The following NFAT5 variants were observed in gnomAD, a reference collection of about 807,000 sequenced individuals.
NFAT5 encodes nuclear factor of activated T-cells 5.
In NFAT5, 31 loss-of-function variants were observed where a neutral mutation model predicts 166.5. The observed-to-expected ratio is 0.19, with a 90% CI of 0.14 to 0.25. The LOEUF is 0.25. Among genes scored for constraint, NFAT5 ranks in the 10% least tolerant of loss-of-function variants. The probability of loss-of-function intolerance (pLI) is 1.00; values close to 1 mark genes in which losing one functional copy is unlikely to be tolerated. For missense variants in NFAT5, 1,449 were observed against 1,821.8 expected (o/e 0.80, Z 3.72); for synonymous variants, 612 against 639.7 (o/e 0.96, Z 0.65).
At chr16:69,585,236 C>T (rs951723936) in intron 2 of NFAT5, among the ~76,000 whole-genome samples, 9 of 151,788 alleles carry the variant, frequency 5.9e-5, no homozygotes, top group Admixed American at 3.3e-4. Flanking sequence ...GTCTTGATCC[C>T]CTGACCTCAT....
chr16:69,572,714 A>G (rs1050124817), intron 2 of NFAT5, among the ~76,000 whole-genome samples: 4 of 152,218 alleles, frequency 2.6e-5, no homozygotes, highest in Admixed American at 2.6e-4. Context: ...GGAAAAATAG[A>G]TAAATATAAA....
chr16:69,612,520 G>A (rs566941649), intron 2 of NFAT5, among the ~76,000 whole-genome samples: 7 of 152,140 alleles, frequency 4.6e-5, no homozygotes, highest in African/African-American at 7.2e-5. Context: ...TATTTCTTAC[G>A]TGTATTTTTA....
chr16:69,684,836 G>A lies in NFAT5; in HGVS notation c.1691-51G>A, dbSNP rs766531925. On this transcript the variant is annotated intron_variant, in intron 10 of 14. Transcript: ENST00000349945. ...CTAATTAAAGAATTTAAGATACGAGGTTTTTAGGATGAGTAAATGTAGATA... is the reference window on the plus strand; with the variant it reads ...CTAATTAAAGAATTTAAGATACGAGATTTTTAGGATGAGTAAATGTAGATA... The A allele has an allele frequency of 4.0e-6, 5 of 1,235,314 alleles. No homozygotes were observed. In the African/African-American group the frequency reaches 7.7e-5, roughly 19 times the overall value. The allele number at this position is 1,235,314 out of a possible 1,614,324, so 76.5% of individuals were successfully genotyped here. A position where few individuals can be genotyped will look rare whatever the true frequency, so the allele number is the denominator to read the frequency against.
intron 3 of NFAT5, among the ~76,000 whole-genome samples, chr16:69,645,198 T>C (rs905134075): frequency 1.3e-5 from 2 of 152,240 alleles, no homozygotes; most frequent in African/African-American, 4.8e-5. Flanking sequence ...TCGTAGTTTT[T>C]ACAAACTTTT....
chr16:69,647,576 G>A lies in NFAT5; in HGVS notation c.802G>A (p.Ala268Thr). Residue 268 changes from alanine (A) to threonine (T), a missense_variant, in exon 4 of 15, where the codon GCG (alanine) becomes ACG (threonine). Transcript: ENST00000349945. The surrounding 1 kb of genome is among the most constrained non-coding windows in gnomAD (Gnocchi z 4.8). ...LTTDNKGNSK[A>T]GNGTLENQKG... is the part of the protein sequence containing the mutation. The stretch of plus-strand genomic sequence containing the variant: ...CACGGACAACAAAGGCAACTCAAAA[G>A]CGGGAAATGGGTTGGTATTCACATT... 1 of 1,572,906 alleles carries A rather than the reference G, an allele frequency of 6.4e-7. No homozygotes were observed. Among genetic ancestry groups the A allele is most frequent in the Non-Finnish European group, 8.6e-7 (1 of 1,161,448 alleles).
chr16:69,599,983 G>A (rs1282812468), intron 2 of NFAT5, among the ~76,000 whole-genome samples: 2 of 152,188 alleles, frequency 1.3e-5, no homozygotes, highest in African/African-American at 4.8e-5. Flanking sequence ...TCTGGCTACA[G>A]TGTAGATAAT....
chr16:69,616,380 C>T (rs953254850), intron 2 of NFAT5, among the ~76,000 whole-genome samples: 2 of 152,110 alleles, frequency 1.3e-5, no homozygotes, highest in Non-Finnish European at 2.9e-5. Context: ...ATGATACCCT[C>T]TGTTGGTTGC....
intron 2 of NFAT5, among the ~76,000 whole-genome samples, chr16:69,587,525 G>A (rs1463476253): frequency 6.6e-6 from 1 of 151,442 alleles, no homozygotes; most frequent in Non-Finnish European, 1.5e-5. Context: ...AAGTAGCTGG[G>A]ACTACAGGCG....
intron 9 of NFAT5, among the ~76,000 whole-genome samples, chr16:69,672,034 A>G (rs1274545162): frequency 1.3e-5 from 2 of 152,248 alleles, no homozygotes; most frequent in Non-Finnish European, 2.9e-5. Context: ...TCACTGTCAC[A>G]CAAGACATTG....
rs371143198 is a variant in NFAT5 at position 69,679,978 on chromosome 16, C to T, written c.1690+2643C>T. ...TAAAAATACAAAAAAATTAGCCGGGCGCGGTGGTGGGCACCTGTAGTCCCA... is the reference window on the plus strand; with the variant it reads ...TAAAAATACAAAAAAATTAGCCGGGTGCGGTGGTGGGCACCTGTAGTCCCA... On this transcript the variant is annotated intron_variant, in intron 10 of 14. Coordinates refer to ENST00000349945, the MANE Select transcript of NFAT5 (RefSeq NM_138713.4). Among the ~76,000 whole-genome samples the T allele has an allele frequency of 6.6e-5, 10 of 152,042 alleles. No individual in the cohort carries two copies. In the East Asian group the frequency reaches 1.2e-3, roughly 18 times the overall value.
chr16:69,637,959 G>A (rs1212701635), intron 3 of NFAT5, among the ~76,000 whole-genome samples: 4 of 152,056 alleles, frequency 2.6e-5, no homozygotes, highest in South Asian at 4.1e-4. Context: ...GGTGGCTCAC[G>A]CCTGTAATCC....
At chr16:69,678,068 G>A (rs984822577) in intron 10 of NFAT5, among the ~76,000 whole-genome samples, 5 of 151,788 alleles carry the variant, frequency 3.3e-5, no homozygotes, top group African/African-American at 1.2e-4. Flanking sequence ...TGAGGAAGGA[G>A]AATTGCCTGA....
At chr16:69,613,502 C>T in intron 2 of NFAT5, among the ~76,000 whole-genome samples, 1 of 152,190 alleles carries the variant, frequency 6.6e-6, no homozygotes, top group Non-Finnish European at 1.5e-5. Flanking sequence ...TCTCATGTTA[C>T]TGCTTGTAAC....
intron 2 of NFAT5, among the ~76,000 whole-genome samples, chr16:69,610,791 C>A (rs2033670823): frequency 6.6e-6 from 1 of 152,070 alleles, no homozygotes; most frequent in Admixed American, 6.6e-5. Flanking sequence ...TAGATTAATC[C>A]CTTAAAACTA....
At chr16:69,629,976 G>A (rs894621887) in intron 3 of NFAT5, among the ~76,000 whole-genome samples, 3 of 149,108 alleles carry the variant, frequency 2.0e-5, no homozygotes, top group Non-Finnish European at 3.0e-5. Flanking sequence ...TCACTCTGTC[G>A]CCCAGGCTGG....
At chr16:69,608,008 A>G (rs897026487) in intron 2 of NFAT5, among the ~76,000 whole-genome samples, 5 of 152,336 alleles carry the variant, frequency 3.3e-5, no homozygotes, top group African/African-American at 1.2e-4. Flanking sequence ...TTAAAAAGAA[A>G]TTAGAAAACT....
chr16:69,583,075 T>G (rs75506882), intron 2 of NFAT5, among the ~76,000 whole-genome samples: 1 of 151,640 alleles, frequency 6.6e-6, no homozygotes, highest in Non-Finnish European at 1.5e-5. Flanking sequence ...TATTCCATTC[T>G]TTTTTAATCA....
chr16:69,688,018 C>A (rs1217454181), intron 11 of NFAT5, among the ~76,000 whole-genome samples: 1 of 150,196 alleles, frequency 6.7e-6, no homozygotes, highest in Non-Finnish European at 1.5e-5. Flanking sequence ...CAAGGTGAAA[C>A]CCCGTCTCTA....
intron 9 of NFAT5, among the ~76,000 whole-genome samples, chr16:69,673,898 G>A (rs2036725167): frequency 1.3e-5 from 2 of 152,092 alleles, no homozygotes; most frequent in African/African-American, 4.8e-5. Flanking sequence ...TGTAATAGCT[G>A]TTCAGTTGCA....
Sources: allele counts gnomAD v4.1 joint callset (sites outside exome capture counted in the v4.1 genomes callset), GRCh38; gene constraint gnomAD v4.1.1; non-coding constraint Gnocchi (gnomAD v3.1); transcripts MANE v1.5; gene names NCBI Gene and HGNC (gene_info 2026-07-23, HGNC 2026-07-21).